PRMT8: variants seen among roughly 807,000 people sequenced by gnomAD.
The protein encoded by PRMT8 is protein arginine N-methyltransferase 8.
Under a neutral mutation model 47.1 loss-of-function variants are expected in PRMT8, and 7 were observed. The observed-to-expected ratio is 0.15, with a 90% CI of 0.08 to 0.28. The LOEUF is 0.28. Ranked by LOEUF, PRMT8 falls within the 10% of genes least tolerant of loss-of-function variation. The pLI is 1.00. For missense variants in PRMT8, 237 were observed against 505.4 expected (o/e 0.47, Z 5.09); for synonymous variants, 188 against 186.5 (o/e 1.01, Z -0.07).
chr12:3,463,051 G>C (rs988461385), intron 1 of PRMT8: 5 of 152,200 alleles, frequency 3.3e-5, no homozygotes, highest in African/African-American at 4.8e-5. Flanking sequence ...CTGGGGTTGG[G>C]TTACAGTGGG....
chr12:3,412,533 G>A (rs1864441392), intron 1 of PRMT8, among the ~76,000 whole-genome samples: 1 of 151,968 alleles, frequency 6.6e-6, no homozygotes, highest in African/African-American at 2.4e-5. Flanking sequence ...ATATCACTTA[G>A]CTTAAAGCAC....
At chr12:3,512,904 C>T (rs1328459222) in intron 1 of PRMT8, among the ~76,000 whole-genome samples, 1 of 152,204 alleles carries the variant, frequency 6.6e-6, no homozygotes, top group African/African-American at 2.4e-5. Flanking sequence ...CATTCTTCAT[C>T]TCATTTGCCC....
At chr12:3,551,282 C>G (rs1866417079) in intron 3 of PRMT8, 1 of 152,254 alleles carries the variant, frequency 6.6e-6, no homozygotes, top group South Asian at 2.1e-4. Flanking sequence ...CAGCTTTGAC[C>G]AGGAAAAGCT....
chr12:3,485,288 G>A (rs963405459), intron 1 of PRMT8, among the ~76,000 whole-genome samples: 1 of 152,114 alleles, frequency 6.6e-6, no homozygotes, highest in African/African-American at 2.4e-5. Flanking sequence ...ACAGGATTAC[G>A]TCTTTTATTT....
At chr12:3,496,508 T>C (rs879672896) in intron 1 of PRMT8, among the ~76,000 whole-genome samples, 2 of 151,954 alleles carry the variant, frequency 1.3e-5, no homozygotes, top group African/African-American at 2.4e-5. Context: ...ATGGTCTTCA[T>C]CTATGTCTGT....
At chr12:3,416,059 G>A (rs1417963122) in intron 1 of PRMT8, among the ~76,000 whole-genome samples, 1 of 152,180 alleles carries the variant, frequency 6.6e-6, no homozygotes, top group East Asian at 1.9e-4. Context: ...TGAGAGATGA[G>A]CTTCAACAGG....
upstream of PRMT8, among the ~76,000 whole-genome samples, chr12:3,487,559 G>A (rs557266292): frequency 2.0e-5 from 3 of 152,190 alleles, no homozygotes; most frequent in Non-Finnish European, 1.5e-5. Context: ...ACCTTCTGGC[G>A]TTTGTGGGGC....
At chr12:3,413,665 G>A (rs1170294961) in intron 1 of PRMT8, among the ~76,000 whole-genome samples, 1 of 152,158 alleles carries the variant, frequency 6.6e-6, no homozygotes, top group African/African-American at 2.4e-5. Flanking sequence ...CTAGGAGATA[G>A]AAATTATTCA....
At chr12:3,437,721 G>A (rs1864760130) in intron 1 of PRMT8, among the ~76,000 whole-genome samples, 1 of 151,716 alleles carries the variant, frequency 6.6e-6, no homozygotes, top group Non-Finnish European at 1.5e-5. Context: ...GCAGACCTGG[G>A]CCTGAATCCC....
rs983368291 is a variant in PRMT8, at chr12:3,493,650, C to G, written c.75+1950C>G. Among the ~76,000 whole-genome samples the G allele has an allele frequency of 1.3e-5, 2 of 152,354 alleles. No individual in the cohort carries two copies. The highest frequency in any genetic ancestry group is 4.8e-5 in the African/African-American group (2 of 41,590). On this transcript the variant is annotated intron_variant, in intron 1 of 9. Coordinates refer to ENST00000382622, the MANE Select transcript of PRMT8 (RefSeq NM_019854.5). This position sits in a 1 kb window ranked among gnomAD's most constrained non-coding sequence, Gnocchi z 8.2. ...GAGGGTTAAAGGCGTCCGGAGCAGG[C>G]AGAGCGCCGCGCGCCAGTCTATTTT...
At chr12:3,475,263 G>A (rs1865199914) in intron 1 of PRMT8, among the ~76,000 whole-genome samples, 1 of 152,152 alleles carries the variant, frequency 6.6e-6, no homozygotes, top group Non-Finnish European at 1.5e-5. Context: ...GTGGGCAGGA[G>A]GCAGAGGAAG....
At position 3,592,979 on chromosome 12, in the gene PRMT8, G is replaced by A; in HGVS notation, c.1102-120G>A. The A allele has an allele frequency of 4.0e-6, 3 of 750,860 alleles. No homozygotes were observed. In the Admixed American group the frequency reaches 6.8e-5, roughly 17 times the overall value. The allele number at this position is 750,860 out of a possible 1,614,324, so 46.5% of individuals were successfully genotyped here. On this transcript the variant is annotated intron_variant, in intron 9 of 9. Coordinates refer to ENST00000382622, the MANE Select transcript of PRMT8 (RefSeq NM_019854.5). ...TTCAGGGGAACCCCTTAGCCAGAAA[G>A]CCTTAAGACGCTGGTGCTACCCATC...
At chr12:3,589,442 A>G (rs958486462) in intron 8 of PRMT8, among the ~76,000 whole-genome samples, 2 of 152,156 alleles carry the variant, frequency 1.3e-5, no homozygotes, top group Non-Finnish European at 1.5e-5. Flanking sequence ...TTGTCACCTA[A>G]TTAATGTCTT....
intron 1 of PRMT8, among the ~76,000 whole-genome samples, chr12:3,532,988 G>A (rs1305809803): frequency 1.3e-5 from 2 of 152,114 alleles, no homozygotes; most frequent in Non-Finnish European, 2.9e-5. Context: ...TGAGAGCAGT[G>A]GGCAGCAGGA....
chr12:3,576,094 A>G lies in PRMT8; in HGVS notation c.713-777A>G, dbSNP rs1268602034. ...AATTAATTTCTCACCAACCCCCTAG[A>G]TCTTTCTCCCTCCCATACAAAGTAT... On this transcript the variant is annotated intron_variant, in intron 6 of 9. Coordinates refer to ENST00000382622, the MANE Select transcript of PRMT8 (RefSeq NM_019854.5). The surrounding 1 kb of genome is among the most constrained non-coding windows in gnomAD (Gnocchi z 4.0). Among the ~76,000 whole-genome samples the G allele has an allele frequency of 6.6e-6, 1 of 152,194 alleles. No individual in the cohort carries two copies. The highest frequency in any genetic ancestry group is 1.9e-4 in the East Asian group (1 of 5,194).
chr12:3,432,793 GT>G (rs1444500502), intron 1 of PRMT8, among the ~76,000 whole-genome samples: 1 of 151,900 alleles, frequency 6.6e-6, no homozygotes, highest in Non-Finnish European at 1.5e-5. Context: ...GTTTTGTTTT[GT>G]TTTGAAAAAA....
At chr12:3,510,291 C>T (rs1048505633) in intron 1 of PRMT8, among the ~76,000 whole-genome samples, 7 of 152,110 alleles carry the variant, frequency 4.6e-5, no homozygotes, top group African/African-American at 9.6e-5. Flanking sequence ...GCTGTGGGTC[C>T]GACACAACCA....
intron 1 of PRMT8, among the ~76,000 whole-genome samples, chr12:3,522,171 A>G (rs1865888575): frequency 6.6e-6 from 1 of 152,168 alleles, no homozygotes; most frequent in Non-Finnish European, 1.5e-5. Context: ...AAGTTGTTAT[A>G]TGGACTCCCG....
intron 7 of PRMT8, among the ~76,000 whole-genome samples, chr12:3,579,078 A>C (rs921050017): frequency 6.6e-6 from 1 of 152,136 alleles, no homozygotes; most frequent in Admixed American, 6.5e-5. Flanking sequence ...TTGCCATCCT[A>C]AACAAGAACA....
Sources: gnomAD v4.1 joint callset for allele counts (sites outside exome capture counted in the v4.1 genomes callset) on GRCh38, gnomAD v4.1.1 for gene constraint, Gnocchi (gnomAD v3.1) non-coding constraint, MANE v1.5 for transcripts, NCBI Gene and HGNC (gene_info 2026-07-23, HGNC 2026-07-21) for gene names.